FGF14: variants seen among roughly 807,000 people sequenced by gnomAD.
FGF14 encodes fibroblast growth factor homologous factor 4.
In FGF14, 5 loss-of-function variants were observed where a neutral mutation model predicts 25.5. That is an observed-to-expected ratio of 0.20 (90% CI 0.10 to 0.41). The LOEUF is 0.41. Ranked by LOEUF, FGF14 falls within the 10% of genes least tolerant of loss-of-function variation. The pLI, the probability that FGF14 is intolerant of heterozygous loss-of-function variation, is 1.00. For synonymous variants in FGF14, 138 were observed against 118.3 expected (o/e 1.17, Z -1.08); for missense variants, 222 against 320.1 (o/e 0.69, Z 2.34).
chr13:101,723,108 T>C (rs1300369697), intron 4 of FGF14, 141 bp from the exon 5 acceptor site: 13 of 979,256 alleles, frequency 1.3e-5, no homozygotes, highest in Admixed American at 1.9e-5. Context: ...GAGACAGAAT[T>C]CCTGTTGTAA....
chr13:102,024,125 A>T (rs550396458), intron 1 of FGF14, among the ~76,000 whole-genome samples: 28 of 152,144 alleles, frequency 1.8e-4, no homozygotes, highest in Non-Finnish European at 3.8e-4. Flanking sequence ...TTTTTAAAAA[A>T]TTTTCTTAGG....
intron 1 of FGF14, among the ~76,000 whole-genome samples, chr13:102,226,160 G>T (rs568725188): frequency 9.2e-5 from 14 of 152,266 alleles, no homozygotes; most frequent in African/African-American, 3.4e-4. Flanking sequence ...TGCTATATGT[G>T]GTGGTTACAA....
rs767627009 is a variant in FGF14, at chr13:102,040,852, A to T, written c.209-165556T>A. Among the ~76,000 whole-genome samples the T allele has an allele frequency of 9.9e-5, 15 of 152,036 alleles. 1 individual carries two copies. Among genetic ancestry groups the T allele is most frequent in the Non-Finnish European group, 2.1e-4 (14 of 68,004 alleles). The stretch of plus-strand genomic sequence containing the variant: ...TCTCTATTGATTAATTTATGCTCTG[A>T]CTCATTTTGCAAAGAGTTTAAGATG... On this transcript the variant is annotated intron_variant, in intron 1 of 4. Transcript: ENST00000376131.
At chr13:102,051,297 T>G (rs920948251) in intron 1 of FGF14, among the ~76,000 whole-genome samples, 1 of 152,114 alleles carries the variant, frequency 6.6e-6, no homozygotes, top group Non-Finnish European at 1.5e-5. Flanking sequence ...GCTCCACAAG[T>G]ATCCATGTCT....
intron 3 of FGF14, among the ~76,000 whole-genome samples, chr13:101,849,253 T>G (rs2043621940): frequency 6.6e-6 from 1 of 151,566 alleles, no homozygotes; most frequent in Admixed American, 6.6e-5. Context: ...GAAAAGGGGG[T>G]TTTCTGAGGA....
intron 1 of FGF14, among the ~76,000 whole-genome samples, chr13:102,038,555 C>T (rs934281955): frequency 4.6e-5 from 7 of 152,172 alleles, no homozygotes; most frequent in African/African-American, 1.7e-4. Context: ...AACTTGTTTT[C>T]AACAAATGTA....
intron 1 of FGF14, among the ~76,000 whole-genome samples, chr13:102,126,757 CA>C (rs1382101983): frequency 5.3e-5 from 8 of 152,026 alleles, no homozygotes; most frequent in African/African-American, 1.9e-4. Flanking sequence ...TCCTGTATGC[CA>C]GCATCTCATC....
At chr13:102,107,734 A>G (rs1423514628) in intron 1 of FGF14, among the ~76,000 whole-genome samples, 2 of 152,218 alleles carry the variant, frequency 1.3e-5, no homozygotes, top group Non-Finnish European at 2.9e-5. Context: ...GGCATGATTC[A>G]GAAGTCAGAG....
At chr13:102,138,119 A>T (rs2140443256) in intron 1 of FGF14, among the ~76,000 whole-genome samples, 1 of 149,978 alleles carries the variant, frequency 6.7e-6, no homozygotes, top group African/African-American at 2.4e-5. Flanking sequence ...CTTTTCATTG[A>T]TTGGCAATGA....
upstream of FGF14, among the ~76,000 whole-genome samples, chr13:101,919,717 T>C (rs1594731160): frequency 6.6e-6 from 1 of 152,272 alleles, no homozygotes; most frequent in East Asian, 1.9e-4. Flanking sequence ...TCTCTGACAC[T>C]TTCCTCCCCT....
chr13:101,741,111 G>T (rs1376669267), intron 3 of FGF14, among the ~76,000 whole-genome samples: 1 of 152,188 alleles, frequency 6.6e-6, no homozygotes, highest in Non-Finnish European at 1.5e-5. Flanking sequence ...TGAGGCAGAT[G>T]GACCACCTGA....
At chr13:102,300,413 C>G (rs573593998) in intron 1 of FGF14, 26 of 152,142 alleles carry the variant, frequency 1.7e-4, no homozygotes, top group Non-Finnish European at 3.7e-4. Context: ...ATATGTACCC[C>G]CCTCAGCAAA....
intron 1 of FGF14, among the ~76,000 whole-genome samples, chr13:101,881,927 G>A (rs1203022187): frequency 2.0e-5 from 3 of 152,034 alleles, no homozygotes; most frequent in African/African-American, 7.2e-5. Flanking sequence ...ATAAACATTA[G>A]TAAGGACTAC....
intron 1 of FGF14, among the ~76,000 whole-genome samples, chr13:102,161,645 A>AGAG (rs1566765100): frequency 2.5e-4 from 3 of 12,212 alleles, no homozygotes; most frequent in South Asian, 3.8e-3. Context: ...AAGAAGAAGA[A>AGAG]GAAGAAGAAG....
chr13:102,068,652 C>T (rs1241431018), intron 1 of FGF14, among the ~76,000 whole-genome samples: 1 of 152,216 alleles, frequency 6.6e-6, no homozygotes, highest in Non-Finnish European at 1.5e-5. Context: ...GGTCCCCCAG[C>T]AGTGCCAGCC....
At chr13:101,774,640 TAGAC>T (rs2038983231) in intron 3 of FGF14, among the ~76,000 whole-genome samples, 4 of 152,192 alleles carry the variant, frequency 2.6e-5, no homozygotes, top group Admixed American at 6.5e-5. Context: ...ATATGCATGA[TAGAC>T]AGAATCTTGC....
At chr13:101,959,132 A>C (rs78148086) in intron 1 of FGF14, among the ~76,000 whole-genome samples, 1 of 152,102 alleles carries the variant, frequency 6.6e-6, no homozygotes, top group East Asian at 1.9e-4. Context: ...GGAGTGCACA[A>C]CCTAGATCCC....
intron 1 of FGF14, among the ~76,000 whole-genome samples, chr13:102,281,301 G>C (rs2053821096): frequency 6.6e-6 from 1 of 152,194 alleles, no homozygotes; most frequent in Non-Finnish European, 1.5e-5. Flanking sequence ...ATTGGTCCTT[G>C]AATGCTTTTC....
intron 1 of FGF14, among the ~76,000 whole-genome samples, chr13:101,997,807 C>A (rs1251744351): frequency 1.3e-5 from 2 of 152,188 alleles, no homozygotes; most frequent in African/African-American, 4.8e-5. Flanking sequence ...GTTCGTCTGT[C>A]CCCAAGGCTT....
Sources: gnomAD v4.1 joint callset for allele counts (sites outside exome capture counted in the v4.1 genomes callset) on GRCh38, gnomAD v4.1.1 for gene constraint, MANE v1.5 for transcripts, NCBI Gene and HGNC (gene_info 2026-07-23, HGNC 2026-07-21) for gene names.